NRG3: variants seen among roughly 807,000 people sequenced by gnomAD.
NRG3 encodes pro-neuregulin-3, membrane-bound isoform.
Under a neutral mutation model 66.9 loss-of-function variants are expected in NRG3, and 31 were observed. That is an observed-to-expected ratio of 0.46 (90% CI 0.35 to 0.63). The LOEUF (loss-of-function observed/expected upper bound fraction) is 0.63. NRG3 is among the 20% of genes least tolerant of loss of function. NRG3 has a pLI of 0.00. For synonymous variants in NRG3, 393 were observed against 359.4 expected, an observed-to-expected ratio of 1.09 and a Z score of -1.06; for missense variants, 910 against 878.9, an observed-to-expected ratio of 1.04 and a Z score of -0.45.
chr10:82,637,445 T>A (rs2050276542), intron 2 of NRG3, among the ~76,000 whole-genome samples: 1 of 152,170 alleles, frequency 6.6e-6, no homozygotes, highest in African/African-American at 2.4e-5. Flanking sequence ...CAGGAAACAG[T>A]GAATCTACAT....
At position 82,895,630 on chromosome 10, in the gene NRG3, G is replaced by A. The variant is rs529277884; in HGVS notation, c.1054+30193G>A. Among the ~76,000 whole-genome samples the A allele has an allele frequency of 6.1e-4, 92 of 151,908 alleles. 2 individuals are homozygous for A. The South Asian group carries it at 0.013, about 22-fold the overall frequency. ...CTCAGCCTCCCGAGCAGCTGGGACT[G>A]CAGGCACCTGCCTCCATGCCCAGCT... On this transcript the variant is annotated intron_variant, in intron 4 of 8. Coordinates refer to ENST00000372141, the MANE Select transcript of NRG3 (RefSeq NM_001010848.4).
At chr10:82,370,344 C>A (rs2084800372) in intron 2 of NRG3, among the ~76,000 whole-genome samples, 2 of 137,742 alleles carry the variant, frequency 1.5e-5, no homozygotes, top group Non-Finnish European at 1.5e-5. Context: ...CCAGCCTCCT[C>A]CAGTCACCCC....
chr10:82,639,290 T>C (rs2133798024), intron 2 of NRG3, among the ~76,000 whole-genome samples: 1 of 152,284 alleles, frequency 6.6e-6, no homozygotes, highest in East Asian at 1.9e-4. Flanking sequence ...GTGGAAAGGG[T>C]AAACAGGCTC....
chr10:82,376,814 A>G (rs2085271203), intron 2 of NRG3, among the ~76,000 whole-genome samples: 6 of 151,786 alleles, frequency 4.0e-5, no homozygotes, highest in Admixed American at 3.9e-4. Context: ...CACTCTTTTC[A>G]TTCTCCCTCT....
At chr10:82,779,441 C>A (rs1268743676) in intron 3 of NRG3, among the ~76,000 whole-genome samples, 1 of 152,108 alleles carries the variant, frequency 6.6e-6, no homozygotes, top group Non-Finnish European at 1.5e-5. Flanking sequence ...TACTTCAGTG[C>A]TTTCCTTTAG....
At chr10:82,902,048 C>G (rs575216287) in intron 4 of NRG3, among the ~76,000 whole-genome samples, 1 of 151,934 alleles carries the variant, frequency 6.6e-6, no homozygotes, top group Non-Finnish European at 1.5e-5. Flanking sequence ...TATAACCAAC[C>G]GAAAGATACA....
At chr10:82,150,530 C>CAA (rs1188955647) in intron 1 of NRG3, among the ~76,000 whole-genome samples, 24 of 26,646 alleles carry the variant, frequency 9.0e-4, no homozygotes, top group East Asian at 1.4e-3. Context: ...AGAGCACACA[C>CAA]AAAAAAAAAA....
At chr10:82,623,089 T>C (rs1300473669) in intron 2 of NRG3, among the ~76,000 whole-genome samples, 1 of 152,178 alleles carries the variant, frequency 6.6e-6, no homozygotes, top group Non-Finnish European at 1.5e-5. Context: ...TTTATTTGAC[T>C]ATTTCACCCA....
At chr10:82,344,310 G>A (rs929941836) in intron 1 of NRG3, among the ~76,000 whole-genome samples, 3 of 151,020 alleles carry the variant, frequency 2.0e-5, no homozygotes, top group South Asian at 2.1e-4. Flanking sequence ...GAGAATATGC[G>A]GTGTTTGGTT....
At chr10:81,910,435 CAACACTAATTTA>C (rs1845022717) in intron 1 of NRG3, among the ~76,000 whole-genome samples, 1 of 152,126 alleles carries the variant, frequency 6.6e-6, no homozygotes, top group African/African-American at 2.4e-5. Context: ...CAAATTGGAT[CAACACTAATTTA>C]TAAACTAAAT....
At chr10:82,856,954 C>T (rs1236792829) in intron 3 of NRG3, among the ~76,000 whole-genome samples, 1 of 152,096 alleles carries the variant, frequency 6.6e-6, no homozygotes, top group Non-Finnish European at 1.5e-5. Flanking sequence ...TATTTTCTTT[C>T]TGAATGAAGA....
intron 2 of NRG3, among the ~76,000 whole-genome samples, chr10:82,475,149 T>A (rs1297978850): frequency 6.6e-6 from 1 of 151,580 alleles, no homozygotes; most frequent in African/African-American, 2.4e-5. Flanking sequence ...ATAGAAAAAA[T>A]ATATATAAAT....
intron 2 of NRG3, among the ~76,000 whole-genome samples, chr10:82,394,755 A>C (rs2086610345): frequency 6.6e-6 from 1 of 152,180 alleles, no homozygotes; most frequent in Non-Finnish European, 1.5e-5. Context: ...TGTCATAATT[A>C]ATAGGTTATT....
intron 3 of NRG3, among the ~76,000 whole-genome samples, chr10:82,841,456 T>A (rs1431136027): frequency 6.6e-6 from 1 of 152,222 alleles, no homozygotes; most frequent in Non-Finnish European, 1.5e-5. Flanking sequence ...AATCACATTA[T>A]ATAATCATAT....
At chr10:82,355,070 C>A (rs1280866901) in intron 1 of NRG3, among the ~76,000 whole-genome samples, 1 of 152,126 alleles carries the variant, frequency 6.6e-6, no homozygotes, top group African/African-American at 2.4e-5. Context: ...CAAAATAGTA[C>A]CATATAGCAT....
intron 5 of NRG3, among the ~76,000 whole-genome samples, chr10:82,957,282 C>A (rs1031828923): frequency 6.6e-6 from 1 of 151,838 alleles, no homozygotes; most frequent in African/African-American, 2.4e-5. Context: ...ATTAGGGTAG[C>A]AAAACTAGTG....
intron 1 of NRG3, among the ~76,000 whole-genome samples, chr10:82,192,121 A>G (rs74626765): frequency 0.028 from 4,322 of 152,266 alleles, 103 homozygotes; most frequent in East Asian, 0.059. Flanking sequence ...ATGTGTAAGA[A>G]TTAAGGGGAA....
intron 1 of NRG3, among the ~76,000 whole-genome samples, chr10:81,884,709 G>A (rs963920198): frequency 3.3e-5 from 5 of 152,060 alleles, no homozygotes; most frequent in African/African-American, 1.2e-4. Context: ...AAAGACATGG[G>A]CATCCTAGGA....
At chr10:82,968,810 G>A (rs751524645) in intron 6 of NRG3, among the ~76,000 whole-genome samples, 4 of 152,168 alleles carry the variant, frequency 2.6e-5, no homozygotes, top group Non-Finnish European at 5.9e-5. Flanking sequence ...CGCTGATAAA[G>A]ACCTACCCAA....
Sources: gnomAD v4.1 joint callset for allele counts (sites outside exome capture counted in the v4.1 genomes callset) on GRCh38, gnomAD v4.1.1 for gene constraint, MANE v1.5 for transcripts, NCBI Gene and HGNC (gene_info 2026-07-23, HGNC 2026-07-21) for gene names.